TFCP2L1: variants seen among roughly 807,000 people sequenced by gnomAD.
The protein encoded by TFCP2L1 is transcription factor CP2-like protein 1.
In TFCP2L1, 12 loss-of-function variants were observed where a neutral mutation model predicts 72.2. The ratio of observed to expected loss-of-function variants is 0.17; its 90% CI spans 0.11 to 0.27. The LOEUF (loss-of-function observed/expected upper bound fraction) is 0.27, where lower values mean the gene tolerates loss of function less well. Among genes scored for constraint, TFCP2L1 ranks in the 10% least tolerant of loss-of-function variants. The pLI, the probability that TFCP2L1 is intolerant of heterozygous loss-of-function variation, is 1.00. For missense variants in TFCP2L1, 488 were observed against 624.6 expected, an observed-to-expected ratio of 0.78 and a Z score of 2.33; for synonymous variants, 260 against 251.0, an observed-to-expected ratio of 1.04 and a Z score of -0.34.
At chr2:121,251,995 G>A (rs1417846231) in intron 2 of TFCP2L1, among the ~76,000 whole-genome samples, 2 of 152,160 alleles carry the variant, frequency 1.3e-5, no homozygotes. Flanking sequence ...AGCAAACCCA[G>A]TGGCTACGGG....
chr2:121,218,813 C>G lies in TFCP2L1; in HGVS notation c.*5528G>C, dbSNP rs1250744146. On this transcript the variant is annotated 3_prime_UTR_variant, in exon 15 of 15. Coordinates refer to ENST00000263707, the MANE Select transcript of TFCP2L1 (RefSeq NM_014553.3). Reference sequence around the variant, plus strand: ...TGCCCTCAGATCTGTTAGCTGTGACCCATAGATTGGGGGAGGGAGGAAAGC... The same window carrying G: ...TGCCCTCAGATCTGTTAGCTGTGACGCATAGATTGGGGGAGGGAGGAAAGC... 1.3e-5 allele frequency: 2 copies of G among 152,306 alleles called. No homozygotes were observed. The highest frequency in any genetic ancestry group is 6.5e-5 in the Admixed American group (1 of 15,272). The allele number at this position is 152,306 out of a possible 1,614,324, so 9.4% of individuals were successfully genotyped here.
intron 2 of TFCP2L1, among the ~76,000 whole-genome samples, chr2:121,268,201 G>A (rs941096513): frequency 5.3e-5 from 8 of 152,194 alleles, no homozygotes; most frequent in East Asian, 3.9e-4. Flanking sequence ...CACAAATTAC[G>A]GAATTCACAA....
rs764732182 is a variant in TFCP2L1, at chr2:121,248,853, G to C, written c.397+129C>G. 2.6e-5 allele frequency: 15 copies of C among 576,858 alleles called. No homozygotes were observed. In the Middle Eastern group the frequency reaches 1.4e-3, roughly 56 times the overall value. The allele number at this position is 576,858 out of a possible 1,614,324, so 35.7% of individuals were successfully genotyped here. A position where few individuals can be genotyped will look rare whatever the true frequency, so the allele number is the denominator to read the frequency against. ...TATGGTCAGCTCTGCAAGCTCCCGC[G>C]GGGTTTTACACAGAGCAGGTGCAAG... On this transcript the variant is annotated intron_variant, in intron 4 of 14. Transcript: ENST00000263707.
At chr2:121,254,384 G>C (rs578190041) in intron 2 of TFCP2L1, among the ~76,000 whole-genome samples, 1 of 152,218 alleles carries the variant, frequency 6.6e-6, no homozygotes, top group Non-Finnish European at 1.5e-5. Flanking sequence ...TATCCAGGAC[G>C]AGGCGGGGAG....
At chr2:121,270,429 C>A (rs769798995) in intron 2 of TFCP2L1, among the ~76,000 whole-genome samples, 1 of 152,202 alleles carries the variant, frequency 6.6e-6, no homozygotes, top group Non-Finnish European at 1.5e-5. Flanking sequence ...TCCGGCAGTA[C>A]CTACCAAAAT....
intron 1 of TFCP2L1, among the ~76,000 whole-genome samples, chr2:121,281,825 A>C (rs1268017202): frequency 6.6e-6 from 1 of 151,750 alleles, no homozygotes; most frequent in Non-Finnish European, 1.5e-5. Flanking sequence ...CATCCCTTCT[A>C]AAGAGAGGAC....
chr2:121,245,073 A>G (rs1361026974), intron 6 of TFCP2L1, among the ~76,000 whole-genome samples: 1 of 152,188 alleles, frequency 6.6e-6, no homozygotes, highest in Non-Finnish European at 1.5e-5. Context: ...TGGAATTAAG[A>G]TTGCTACGCA....
chr2:121,258,537 C>T (rs546059493), intron 2 of TFCP2L1, among the ~76,000 whole-genome samples: 6 of 152,356 alleles, frequency 3.9e-5, no homozygotes, highest in South Asian at 2.1e-4. Context: ...CCACCTCCTG[C>T]GTGGACCACT....
intron 2 of TFCP2L1, among the ~76,000 whole-genome samples, chr2:121,261,599 A>G (rs1429233325): frequency 6.6e-6 from 1 of 152,234 alleles, no homozygotes; most frequent in African/African-American, 2.4e-5. Context: ...GTAGAGAAGG[A>G]AAAACTCTTT....
At chr2:121,226,848 T>C (rs1230007709) in intron 13 of TFCP2L1, among the ~76,000 whole-genome samples, 1 of 152,214 alleles carries the variant, frequency 6.6e-6, no homozygotes, top group Non-Finnish European at 1.5e-5. Context: ...AGAATGACCA[T>C]GCATTTCCAA....
At chr2:121,257,984 GGACAA>G (rs1377694427) in intron 2 of TFCP2L1, among the ~76,000 whole-genome samples, 1 of 151,996 alleles carries the variant, frequency 6.6e-6, no homozygotes, top group East Asian at 1.9e-4. Context: ...CCAGCACCAT[GGACAA>G]TACTGGTATG....
intron 2 of TFCP2L1, among the ~76,000 whole-genome samples, chr2:121,255,631 A>G (rs1573381070): frequency 6.6e-6 from 1 of 152,208 alleles, no homozygotes; most frequent in South Asian, 2.1e-4. Context: ...ACACGTGGCC[A>G]CTGGGCCACC....
intron 2 of TFCP2L1, among the ~76,000 whole-genome samples, chr2:121,274,680 G>T (rs1177880581): frequency 6.6e-6 from 1 of 152,188 alleles, no homozygotes; most frequent in Non-Finnish European, 1.5e-5. Flanking sequence ...GCCAGGCAGT[G>T]GCTCATGCCT....
Position 121,275,394 on chromosome 2 carries a change from A to G in TFCP2L1, c.214+5726T>C, listed in dbSNP as rs559519479. On this transcript the variant is annotated intron_variant, in intron 2 of 14. Coordinates refer to ENST00000263707, the MANE Select transcript of TFCP2L1 (RefSeq NM_014553.3). ...AGCCTGGGCGACAGCACGAGACTCC[A>G]TCTCAAAAAAAAAAAAAAAAAGAAA... 1.4e-4 allele frequency among the ~76,000 whole-genome samples: 20 copies of G among 148,086 alleles called. No homozygotes were observed. In the East Asian group the frequency reaches 2.6e-3, roughly 19 times the overall value.
chr2:121,281,553 C>A (rs1558749297), intron 1 of TFCP2L1, among the ~76,000 whole-genome samples: 1 of 152,330 alleles, frequency 6.6e-6, no homozygotes, highest in African/African-American at 2.4e-5. Flanking sequence ...CTAACATCTA[C>A]AGAAATCCTC....
At chr2:121,241,980 AG>A (rs1169593135) in intron 7 of TFCP2L1, among the ~76,000 whole-genome samples, 2 of 145,416 alleles carry the variant, frequency 1.4e-5, no homozygotes, top group Non-Finnish European at 3.0e-5. Context: ...TCTGCCCTGG[AG>A]GGGAGAAACC....
intron 2 of TFCP2L1, among the ~76,000 whole-genome samples, chr2:121,275,476 T>C (rs1023061843): frequency 1.1e-4 from 17 of 151,116 alleles, no homozygotes; most frequent in Admixed American, 6.6e-4. Flanking sequence ...GAAAATGTTA[T>C]TACAAGAACA....
At chr2:121,227,293 T>C (rs554722712) in intron 13 of TFCP2L1, among the ~76,000 whole-genome samples, 3 of 152,354 alleles carry the variant, frequency 2.0e-5, no homozygotes, top group African/African-American at 7.2e-5. Context: ...GGTACATGGG[T>C]ACTTCAATGG....
chr2:121,235,392 AGCAC>A, intron 10 of TFCP2L1, 81 bp from the exon 11 acceptor site: 1 of 1,082,032 alleles, frequency 9.2e-7, no homozygotes, highest in Non-Finnish European at 1.4e-6. Flanking sequence ...CAGACCCCAT[AGCAC>A]TGGGGGTGGG....
Sources: allele counts gnomAD v4.1 joint callset (sites outside exome capture counted in the v4.1 genomes callset), GRCh38; gene constraint gnomAD v4.1.1; transcripts MANE v1.5; gene names NCBI Gene and HGNC (gene_info 2026-07-23, HGNC 2026-07-21).